The following ZFP2 variants were observed in gnomAD, a reference collection of about 807,000 sequenced individuals.
The protein encoded by ZFP2 is ZFP2 zinc finger protein, also known as zinc finger protein ZFP2.
ZFP2 carries 33 observed loss-of-function variants against 36.1 expected under a neutral mutation model. That is an observed-to-expected ratio of 0.92 (90% CI 0.69 to 1.22). ZFP2 has a LOEUF of 1.22. Ranked by LOEUF, ZFP2 falls within the 50% of genes most tolerant of loss-of-function variation. The probability of loss-of-function intolerance (pLI) is 0.00; values close to 1 mark genes in which losing one functional copy is unlikely to be tolerated. For synonymous variants in ZFP2, 170 were observed against 178.0 expected, an observed-to-expected ratio of 0.96 and a Z score of 0.36; for missense variants, 522 against 551.4, an observed-to-expected ratio of 0.95 and a Z score of 0.53.
In ZFP2 at chr5:178,908,304, T is replaced by C. The variant is rs532311225; in HGVS notation, c.-449-4280T>C. ...TCTACTAAAAATACAAAAAATTAGC[T>C]GGTGTGGTGGTGGTTGCCTGTAGTC... On this transcript the variant is annotated intron_variant, in intron 1 of 4. Coordinates refer to ENST00000361362, the MANE Select transcript of ZFP2 (RefSeq NM_030613.4). Among the ~76,000 whole-genome samples the C allele has an allele frequency of 4.3e-3, 657 of 151,752 alleles. 2 individuals carry two copies. Among genetic ancestry groups the C allele is most frequent in the Non-Finnish European group, 7.0e-3 (476 of 67,904 alleles).
chr5:178,919,325 A>G (rs944587043), intron 4 of ZFP2, among the ~76,000 whole-genome samples: 4 of 152,068 alleles, frequency 2.6e-5, no homozygotes, highest in Non-Finnish European at 5.9e-5. Context: ...TGCTAGTTAT[A>G]CTCTTGATGT....
rs556784508 is a variant in ZFP2, at chr5:178,909,073, C to T, written c.-449-3511C>T. 6.7e-5 allele frequency among the ~76,000 whole-genome samples: 10 copies of T among 148,232 alleles called. No homozygotes were observed. In the East Asian group the frequency reaches 1.0e-3, roughly 15 times the overall value. On this transcript the variant is annotated intron_variant, in intron 1 of 4. Coordinates refer to ENST00000361362, the MANE Select transcript of ZFP2 (RefSeq NM_030613.4). Reference sequence around the variant, plus strand: ...CCAGGGCTCAGGGCGTAAAACCCCTCGTGGCCTGGATGGAATCCAGGGCTC... The same window carrying T: ...CCAGGGCTCAGGGCGTAAAACCCCTTGTGGCCTGGATGGAATCCAGGGCTC...
At chr5:178,917,578 G>A (rs1758462962) in intron 4 of ZFP2, among the ~76,000 whole-genome samples, 1 of 151,518 alleles carries the variant, frequency 6.6e-6, no homozygotes, top group African/African-American at 2.4e-5. Context: ...TCATGCCACT[G>A]CACTCCAGCC....
In ZFP2 at chr5:178,931,968, T is replaced by C; in HGVS notation, c.655T>C (p.Cys219Arg). The stretch of plus-strand genomic sequence containing the variant: ...AGAGAAACCCTACAAATGTAATGAA[T>C]GTGGTAAAGCTTTTACCCAAAGCAT... ...TGEKPYKCNE[C>R]GKAFTQSMNL... is the part of the protein sequence containing the mutation. Residue 219 changes from cysteine to arginine, a missense_variant, in exon 5 of 5, where the codon TGT becomes CGT. Cys to Arg is a radical substitution (Grantham distance 180, BLOSUM62 -3). Coordinates refer to ENST00000361362, the MANE Select transcript of ZFP2 (RefSeq NM_030613.4). 6 of 1,614,018 alleles carry C rather than the reference T, an allele frequency of 3.7e-6. No individual in the cohort carries two copies. Among genetic ancestry groups the C allele is most frequent in the Non-Finnish European group, 5.1e-6 (6 of 1,179,958 alleles).
chr5:178,909,925 AG>A, intron 1 of ZFP2: 1 of 1,473,770 alleles, frequency 6.8e-7, no homozygotes, highest in Non-Finnish European at 9.5e-7. Flanking sequence ...TTGATCCTCA[AG>A]GGGTTCTCTG....
rs1293645134 is a variant in ZFP2 at position 178,916,578 on chromosome 5, T to C, written c.-210T>C. The C allele has an allele frequency of 5.0e-5, 49 of 985,282 alleles. No homozygotes were observed. The highest frequency in any genetic ancestry group is 5.7e-5 in the Non-Finnish European group (47 of 829,930). The allele number at this position is 985,282 out of a possible 1,614,324, so 61.0% of individuals were successfully genotyped here. A position where few individuals can be genotyped will look rare whatever the true frequency, so the allele number is the denominator to read the frequency against. On this transcript the variant is annotated 5_prime_UTR_variant, in exon 4 of 5. Coordinates refer to ENST00000361362, the MANE Select transcript of ZFP2 (RefSeq NM_030613.4). ...TGTTCTTTCCAGATTTTCTTGGATATTGCTGTCAGATTAATCTGACATTTA... is the reference window on the plus strand; with the variant it reads ...TGTTCTTTCCAGATTTTCTTGGATACTGCTGTCAGATTAATCTGACATTTA...
rs181850515 is a variant in ZFP2, at chr5:178,921,810, G to A, written c.-78+5100G>A. Among the ~76,000 whole-genome samples, 178 of 149,402 alleles carry A rather than the reference G, an allele frequency of 1.2e-3. 9 individuals carry two copies. The highest frequency in any genetic ancestry group is 2.2e-3 in the Non-Finnish European group (146 of 66,498). On this transcript the variant is annotated intron_variant, in intron 4 of 4. Transcript: ENST00000361362. ...TCTCTTCCCCAATTCACCTGCTACT[G>A]TTTACTTCTCAGGGCCTTCAAATAA...
intron 4 of ZFP2, among the ~76,000 whole-genome samples, chr5:178,919,153 A>G (rs1298043861): frequency 7.1e-6 from 1 of 140,712 alleles, no homozygotes; most frequent in Admixed American, 7.5e-5. Context: ...TCTTGGTGCA[A>G]TGCTAATATT....
chr5:178,896,557 A>T (rs535726779), intron 1 of ZFP2, among the ~76,000 whole-genome samples: 1 of 152,118 alleles, frequency 6.6e-6, no homozygotes, highest in Non-Finnish European at 1.5e-5. Flanking sequence ...CTCCCATCTC[A>T]CAATAAGAAT....
At chr5:178,901,856 G>A (rs1040538842) in intron 1 of ZFP2, among the ~76,000 whole-genome samples, 19 of 151,904 alleles carry the variant, frequency 1.3e-4, no homozygotes, top group South Asian at 8.3e-4. Flanking sequence ...CTGCAAGGCC[G>A]GGCACGGTGG....
In ZFP2 at chr5:178,923,662, C is replaced by T. The variant is rs542093502; in HGVS notation, c.-78+6952C>T. 7.4e-5 allele frequency among the ~76,000 whole-genome samples: 11 copies of T among 149,246 alleles called. 2 individuals carry two copies. Among genetic ancestry groups the T allele is most frequent in the African/African-American group, 2.7e-4 (11 of 41,230 alleles). On this transcript the variant is annotated intron_variant, in intron 4 of 4. Transcript: ENST00000361362. ...GTGGAGTTCTTGAGTCACATCAGTT[C>T]TTGCAGGCATGGCCCCATTGTCTTT...
At chr5:178,904,982 T>C (rs1051274497) in intron 1 of ZFP2, among the ~76,000 whole-genome samples, 1 of 152,032 alleles carries the variant, frequency 6.6e-6, no homozygotes, top group African/African-American at 2.4e-5. Context: ...ATTACAGGAG[T>C]GAGCCACTGC....
Position 178,932,718 on chromosome 5 carries a change from C to G in ZFP2, c.*19C>G. Reference sequence around the variant, plus strand: ...TACGTGAGGAATGTTTTCACTGGCCCTTACCTCATGATTAACTCTTCAGTA... The same window carrying G: ...TACGTGAGGAATGTTTTCACTGGCCGTTACCTCATGATTAACTCTTCAGTA... On this transcript the variant is annotated 3_prime_UTR_variant, in exon 5 of 5. Transcript: ENST00000361362. The G allele has an allele frequency of 6.4e-7, 1 of 1,556,296 alleles. No homozygotes were observed. Among genetic ancestry groups the G allele is most frequent in the Non-Finnish European group, 8.7e-7 (1 of 1,154,152 alleles).
chr5:178,926,116 G>A (rs1758662782), intron 4 of ZFP2, among the ~76,000 whole-genome samples: 2 of 128,486 alleles, frequency 1.6e-5, no homozygotes, highest in South Asian at 2.3e-4. Context: ...TAAAGTGCTG[G>A]GATTACAGGC....
intron 1 of ZFP2, among the ~76,000 whole-genome samples, chr5:178,897,195 T>C (rs557106241): frequency 1.2e-4 from 18 of 152,322 alleles, no homozygotes; most frequent in African/African-American, 4.1e-4. Context: ...TCCAGAAAAG[T>C]TGCAGTTTAT....
intron 3 of ZFP2, among the ~76,000 whole-genome samples, 177 bp from the exon 4 acceptor site, chr5:178,916,388 A>G (rs1758432369): frequency 2.0e-5 from 3 of 152,340 alleles, no homozygotes; most frequent in African/African-American, 7.2e-5. Context: ...AGGAAGAAAG[A>G]GTAAGAACTC....
Position 178,932,364 on chromosome 5 carries a change from G to T in ZFP2, c.1051G>T (p.Glu351Ter). ...TCAACATCGGAGAATTCACACTGGAGAGAAACCTTATGAGTGTATGGTGTG... is the reference window on the plus strand; with the variant it reads ...TCAACATCGGAGAATTCACACTGGATAGAAACCTTATGAGTGTATGGTGTG... ...LTQHRRIHTG[E>*]KPYECMVCGK... Residue 351 changes from glutamate (E) to a stop codon, truncating the protein, a stop_gained, in exon 5 of 5, where the codon GAG (glutamate) becomes TAG (stop). Coordinates refer to ENST00000361362, the MANE Select transcript of ZFP2 (RefSeq NM_030613.4). LOFTEE classifies it high-confidence loss of function. The T allele has an allele frequency of 6.2e-7, 1 of 1,614,170 alleles. No individual in the cohort carries two copies. Among genetic ancestry groups the T allele is most frequent in the South Asian group, 1.1e-5 (1 of 91,082 alleles).
intron 1 of ZFP2, chr5:178,909,649 C>G (rs1758247140): frequency 7.0e-7 from 1 of 1,430,736 alleles, no homozygotes; most frequent in East Asian, 2.4e-5. Context: ...AGGTCCAATT[C>G]CTCAGTTGGC....
chr5:178,918,200 C>T lies in ZFP2; in HGVS notation c.-78+1490C>T, dbSNP rs565432368. Among the ~76,000 whole-genome samples the T allele has an allele frequency of 7.2e-5, 11 of 152,216 alleles. No individual in the cohort carries two copies. The South Asian group carries it at 2.1e-3, about 29-fold the overall frequency. On this transcript the variant is annotated intron_variant, in intron 4 of 4. Coordinates refer to ENST00000361362, the MANE Select transcript of ZFP2 (RefSeq NM_030613.4). ...CTGTTTATTGCTATATCCTGAGCACCCAGAACAGTACCTGGCTTGATAAGT... is the reference window on the plus strand; with the variant it reads ...CTGTTTATTGCTATATCCTGAGCACTCAGAACAGTACCTGGCTTGATAAGT...
Sources: gnomAD v4.1 joint callset for allele counts (sites outside exome capture counted in the v4.1 genomes callset) on GRCh38, gnomAD v4.1.1 for gene constraint, MANE v1.5 for transcripts, NCBI Gene and HGNC (gene_info 2026-07-23, HGNC 2026-07-21) for gene names.